The following OTUD7A variants were observed in gnomAD, a reference collection of about 807,000 sequenced individuals.
OTUD7A encodes OTU deubiquitinase 7A.
A neutral mutation model predicts 65.7 loss-of-function variants in OTUD7A; 12 were observed. The ratio of observed to expected loss-of-function variants is 0.18; its 90% CI spans 0.12 to 0.30. The LOEUF (loss-of-function observed/expected upper bound fraction) is 0.30. Ranked by LOEUF, OTUD7A falls within the 10% of genes least tolerant of loss-of-function variation. The pLI, the probability that OTUD7A is intolerant of heterozygous loss-of-function variation, is 1.00. For missense variants in OTUD7A, 1,148 were observed against 1,304.8 expected, an observed-to-expected ratio of 0.88 and a Z score of 1.85; for synonymous variants, 641 against 586.3, an observed-to-expected ratio of 1.09 and a Z score of -1.35.
At chr15:31,496,033 T>C (rs1595556963) in intron 10 of OTUD7A, among the ~76,000 whole-genome samples, 1 of 133,690 alleles carries the variant, frequency 7.5e-6, no homozygotes, top group African/African-American at 2.9e-5. Flanking sequence ...GGCACTGTAC[T>C]CCAGCCTGGG....
At chr15:31,827,040 C>T (rs1242478531) in intron 1 of OTUD7A, among the ~76,000 whole-genome samples, 2 of 152,194 alleles carry the variant, frequency 1.3e-5, no homozygotes, top group Non-Finnish European at 2.9e-5. Context: ...TCTTCGGAGC[C>T]CTCCAAACTG....
At chr15:31,815,681 G>C (rs958422321) in intron 1 of OTUD7A, among the ~76,000 whole-genome samples, 1 of 152,226 alleles carries the variant, frequency 6.6e-6, no homozygotes, top group Non-Finnish European at 1.5e-5. Flanking sequence ...GGTGGCGGCA[G>C]GATGGAGCCA....
chr15:31,609,576 G>A (rs991692815), intron 3 of OTUD7A, among the ~76,000 whole-genome samples: 5 of 152,044 alleles, frequency 3.3e-5, no homozygotes, highest in African/African-American at 4.8e-5. Context: ...AAGACCCAAC[G>A]GAGAGTCTGA....
chr15:31,745,924 A>C (rs529946717), intron 1 of OTUD7A, among the ~76,000 whole-genome samples: 2 of 152,194 alleles, frequency 1.3e-5, no homozygotes, highest in Non-Finnish European at 2.9e-5. Context: ...GGTCAACAGT[A>C]GATGAAAAAG....
At chr15:31,622,929 C>A (rs1890838245) in intron 3 of OTUD7A, among the ~76,000 whole-genome samples, 1 of 152,196 alleles carries the variant, frequency 6.6e-6, no homozygotes, top group Non-Finnish European at 1.5e-5. Context: ...TGGTGACGTA[C>A]AGATGGGGTT....
chr15:31,718,805 A>G (rs1265597953), intron 1 of OTUD7A, among the ~76,000 whole-genome samples: 2 of 149,736 alleles, frequency 1.3e-5, no homozygotes, highest in African/African-American at 4.9e-5. Context: ...TTAGGCTTAT[A>G]AGCAGTTGGT....
intron 1 of OTUD7A, among the ~76,000 whole-genome samples, chr15:31,741,898 CT>C (rs1406651467): frequency 6.6e-6 from 1 of 151,852 alleles, no homozygotes; most frequent in Non-Finnish European, 1.5e-5. Context: ...AACCATTAGG[CT>C]TATGAAAAGA....
chr15:31,644,242 C>G (rs734301), intron 3 of OTUD7A, among the ~76,000 whole-genome samples: 43,574 of 151,988 alleles, frequency 0.29, 7,368 homozygotes, highest in African/African-American at 0.47. Context: ...CCTTGCATTT[C>G]ACTGCTGAAT....
At chr15:31,698,945 A>G (rs1240356574) in intron 1 of OTUD7A, among the ~76,000 whole-genome samples, 17 of 152,212 alleles carry the variant, frequency 1.1e-4, no homozygotes, top group Admixed American at 5.2e-4. Context: ...ACAGGATGGT[A>G]ATAAGGACTT....
At chr15:31,592,462 C>T (rs1889755629) in intron 3 of OTUD7A, among the ~76,000 whole-genome samples, 1 of 152,080 alleles carries the variant, frequency 6.6e-6, no homozygotes, top group African/African-American at 2.4e-5. Context: ...ACCTCCACAT[C>T]CTGTCCCACT....
intron 1 of OTUD7A, among the ~76,000 whole-genome samples, chr15:31,764,930 A>T (rs1895059910): frequency 6.6e-6 from 1 of 152,174 alleles, no homozygotes; most frequent in African/African-American, 2.4e-5. Flanking sequence ...TATTTTAAGC[A>T]TCTGATAGGT....
intron 4 of OTUD7A, among the ~76,000 whole-genome samples, chr15:31,560,789 C>CCA (rs1888662866): frequency 6.6e-6 from 1 of 152,210 alleles, no homozygotes; most frequent in African/African-American, 2.4e-5. Flanking sequence ...TTCAGCCTGC[C>CCA]CACTGGTGAG....
chr15:31,742,638 A>G (rs538771551), intron 1 of OTUD7A, among the ~76,000 whole-genome samples: 1 of 152,270 alleles, frequency 6.6e-6, no homozygotes, highest in South Asian at 2.1e-4. Flanking sequence ...GACAAACTGC[A>G]GAATATTATT....
At chr15:31,664,639 C>T (rs1892269167) in intron 1 of OTUD7A, among the ~76,000 whole-genome samples, 1 of 152,104 alleles carries the variant, frequency 6.6e-6, no homozygotes, top group African/African-American at 2.4e-5. Context: ...TTCCTTTTAC[C>T]ATGCAAAAGC....
intron 4 of OTUD7A, among the ~76,000 whole-genome samples, chr15:31,560,766 C>T (rs1888662747): frequency 6.6e-6 from 1 of 152,188 alleles, no homozygotes; most frequent in Non-Finnish European, 1.5e-5. Flanking sequence ...CAAGGAATCC[C>T]ACTGTCCTCC....
At chr15:31,548,856 C>T (rs565088973) in intron 5 of OTUD7A, among the ~76,000 whole-genome samples, 1 of 152,150 alleles carries the variant, frequency 6.6e-6, no homozygotes, top group African/African-American at 2.4e-5. Flanking sequence ...AGAATTCTGG[C>T]TGGACACAGT....
intron 1 of OTUD7A, among the ~76,000 whole-genome samples, chr15:31,799,211 G>A (rs999373659): frequency 6.6e-6 from 1 of 152,174 alleles, no homozygotes; most frequent in African/African-American, 2.4e-5. Flanking sequence ...TGGGCTGTGC[G>A]GGCCTGCAGG....
chr15:31,719,584 C>T (rs397742664), intron 1 of OTUD7A, among the ~76,000 whole-genome samples: 2 of 152,174 alleles, frequency 1.3e-5, no homozygotes, highest in African/African-American at 4.8e-5. Flanking sequence ...CCTCAAGCAC[C>T]GTCATTCCTC....
intron 8 of OTUD7A, among the ~76,000 whole-genome samples, chr15:31,509,336 T>C (rs1268444626): frequency 6.6e-6 from 1 of 152,062 alleles, no homozygotes; most frequent in Non-Finnish European, 1.5e-5. Context: ...TGGAGTGCAG[T>C]GGTGCGATCT....
Sources: allele counts gnomAD v4.1 joint callset (sites outside exome capture counted in the v4.1 genomes callset), GRCh38; gene constraint gnomAD v4.1.1; transcripts MANE v1.5; gene names NCBI Gene and HGNC (gene_info 2026-07-23, HGNC 2026-07-21).